CERS6: variants seen among roughly 807,000 people sequenced by gnomAD.
The protein encoded by CERS6 is LAG1 homolog, ceramide synthase 6.
A neutral mutation model predicts 56.8 loss-of-function variants in CERS6; 26 were observed. That is an observed-to-expected ratio of 0.46 (90% confidence interval 0.34 to 0.63). The LOEUF is 0.63. Among genes scored for constraint, CERS6 ranks in the 30% least tolerant of loss-of-function variants. CERS6 has a pLI of 0.01. For synonymous variants in CERS6, 164 were observed against 173.3 expected (o/e 0.95, Z 0.42); for missense variants, 415 against 467.5 (o/e 0.89, Z 1.04).
At chr2:168,720,094 A>AT (rs758972547) in intron 8 of CERS6, among the ~76,000 whole-genome samples, 3,428 of 140,506 alleles carry the variant, frequency 0.024, 93 homozygotes, top group African/African-American at 0.073. Flanking sequence ...GACCGGTCTA[A>AT]TTTTTTTTTT....
At position 168,545,422 on chromosome 2, in the gene CERS6, TAG is replaced by T. The variant is rs541252014; in HGVS notation, c.171-2171_171-2170del. On this transcript the variant is annotated intron_variant, in intron 1 of 9. Transcript: ENST00000305747. ...ATTCATTCTTGGAATTTAAAGAAAA[TAG>T]AGTTTTAAAAGTGGTTTGAAGCTTA... Among the ~76,000 whole-genome samples the T allele has an allele frequency of 1.5e-4, 23 of 152,222 alleles. No homozygotes were observed. In the East Asian group the frequency reaches 4.2e-3, roughly 28 times the overall value.
At chr2:168,730,591 C>G (rs946125989) in intron 8 of CERS6, among the ~76,000 whole-genome samples, 43 of 152,196 alleles carry the variant, frequency 2.8e-4, no homozygotes, top group African/African-American at 1.0e-3. Flanking sequence ...TCATCCCCAG[C>G]CACCCTGTGG....
intron 3 of CERS6, among the ~76,000 whole-genome samples, chr2:168,582,190 A>G (rs1683429923): frequency 6.6e-6 from 1 of 152,190 alleles, no homozygotes; most frequent in African/African-American, 2.4e-5. Context: ...TGGATGTTAT[A>G]TCTTGGGGTC....
At chr2:168,721,037 G>A (rs953796280) in intron 8 of CERS6, among the ~76,000 whole-genome samples, 23 of 152,254 alleles carry the variant, frequency 1.5e-4, no homozygotes, top group African/African-American at 5.1e-4. Context: ...ACATCATAGC[G>A]CAATGCATTC....
intron 4 of CERS6, among the ~76,000 whole-genome samples, chr2:168,682,104 A>T (rs796892242): frequency 2.6e-5 from 4 of 152,280 alleles, no homozygotes; most frequent in African/African-American, 9.6e-5. Context: ...TCTCTTTGAC[A>T]TACTGATTTT....
chr2:168,591,512 T>A (rs1454304275), intron 3 of CERS6, among the ~76,000 whole-genome samples: 1 of 152,218 alleles, frequency 6.6e-6, no homozygotes, highest in Admixed American at 6.5e-5. Context: ...GTAACTAATG[T>A]TTACACAATC....
intron 3 of CERS6, among the ~76,000 whole-genome samples, chr2:168,604,736 C>A (rs1050350421): frequency 6.6e-6 from 1 of 152,136 alleles, no homozygotes; most frequent in Non-Finnish European, 1.5e-5. Context: ...TAAGATGTGC[C>A]TGCTTCCCCT....
At chr2:168,553,726 A>G (rs542035412) in intron 2 of CERS6, among the ~76,000 whole-genome samples, 1 of 152,322 alleles carries the variant, frequency 6.6e-6, no homozygotes, top group East Asian at 1.9e-4. Context: ...GATCACTTGG[A>G]ATGTTTGTAA....
intron 4 of CERS6, among the ~76,000 whole-genome samples, chr2:168,656,990 T>G (rs1685493185): frequency 6.6e-6 from 1 of 152,136 alleles, no homozygotes; most frequent in Admixed American, 6.5e-5. Flanking sequence ...ATTGGTGCAG[T>G]CACAAACCTT....
chr2:168,765,238 T>C (rs1387525043), intron 8 of CERS6, among the ~76,000 whole-genome samples: 1 of 152,190 alleles, frequency 6.6e-6, no homozygotes, highest in African/African-American at 2.4e-5. Flanking sequence ...AAAAGTGTGC[T>C]GAGCATGTAT....
chr2:168,466,918 T>C (rs964536875), intron 1 of CERS6, among the ~76,000 whole-genome samples: 1 of 152,240 alleles, frequency 6.6e-6, no homozygotes, highest in Non-Finnish European at 1.5e-5. Flanking sequence ...AACATTTGTT[T>C]GTAACTCGCC....
chr2:168,613,307 G>A lies in CERS6; in HGVS notation c.408-17678G>A, dbSNP rs553121434. On this transcript the variant is annotated intron_variant, in intron 3 of 9. Coordinates refer to ENST00000305747, the MANE Select transcript of CERS6 (RefSeq NM_203463.3). ...ATAGAGATGGTTAGAGGCAGTGATT[G>A]CCCAGCATACAGGGAGTGGGTGAGT... is the stretch of plus-strand genomic sequence containing the variant. Among the ~76,000 whole-genome samples the A allele has an allele frequency of 5.9e-5, 9 of 152,284 alleles. No individual in the cohort carries two copies. In the South Asian group the frequency reaches 1.9e-3, roughly 32 times the overall value.
chr2:168,767,075 T>C (rs955706768), intron 9 of CERS6, among the ~76,000 whole-genome samples: 2 of 152,236 alleles, frequency 1.3e-5, no homozygotes, highest in Non-Finnish European at 2.9e-5. Context: ...TAACTAAATA[T>C]GCAAGAATGC....
At chr2:168,469,298 A>G (rs1693936517) in intron 1 of CERS6, among the ~76,000 whole-genome samples, 1 of 152,196 alleles carries the variant, frequency 6.6e-6, no homozygotes, top group East Asian at 1.9e-4. Flanking sequence ...ATAATTTGTA[A>G]GTAGTTAGCC....
intron 3 of CERS6, among the ~76,000 whole-genome samples, chr2:168,620,011 CCATACACACACA>C (rs1488314809): frequency 5.4e-5 from 2 of 37,240 alleles, no homozygotes; most frequent in African/African-American, 1.6e-4. Context: ...GTTCCACAAT[CCATACACACACA>C]CACACACACA....
chr2:168,519,356 TATA>T (rs1430145587), intron 1 of CERS6, among the ~76,000 whole-genome samples: 6 of 152,240 alleles, frequency 3.9e-5, no homozygotes, highest in African/African-American at 1.2e-4. Context: ...ACATTTATGA[TATA>T]ATTTTCTTTT....
chr2:168,475,394 A>T lies in CERS6; in HGVS notation c.170+18776A>T, dbSNP rs1319645846. ...AAGCCATCCTAGACTGTCTCTAAGA[A>T]TAAAGACATTCTAGGATGGCTTTTT... On this transcript the variant is annotated intron_variant, in intron 1 of 9. Transcript: ENST00000305747. 3.9e-5 allele frequency among the ~76,000 whole-genome samples: 6 copies of T among 152,082 alleles called. No homozygotes were observed. The East Asian group carries it at 1.2e-3, about 29-fold the overall frequency.
intron 1 of CERS6, among the ~76,000 whole-genome samples, chr2:168,529,531 T>C (rs1695129472): frequency 6.6e-6 from 1 of 152,168 alleles, no homozygotes; most frequent in Non-Finnish European, 1.5e-5. Flanking sequence ...GAGGCACCAA[T>C]GGATAATCCC....
intron 1 of CERS6, among the ~76,000 whole-genome samples, chr2:168,518,020 T>G (rs909105899): frequency 2.0e-5 from 3 of 152,214 alleles, no homozygotes; most frequent in African/African-American, 7.2e-5. Flanking sequence ...AGTGAGTGAC[T>G]GTTGTTGATT....
Sources: allele counts gnomAD v4.1 joint callset (sites outside exome capture counted in the v4.1 genomes callset), GRCh38; gene constraint gnomAD v4.1.1; transcripts MANE v1.5; gene names NCBI Gene and HGNC (gene_info 2026-07-23, HGNC 2026-07-21).